SRRM1: variants seen among roughly 807,000 people sequenced by gnomAD.
SRRM1 encodes the protein serine/arginine repetitive matrix protein 1.
Under a neutral mutation model 110.2 loss-of-function variants are expected in SRRM1, and 19 were observed. The observed-to-expected ratio is 0.17, with a 90% CI of 0.12 to 0.25. SRRM1 has a LOEUF of 0.25. Among genes scored for constraint, SRRM1 ranks in the 10% least tolerant of loss-of-function variants. The pLI, the probability that SRRM1 is intolerant of heterozygous loss-of-function variation, is 1.00. For missense variants in SRRM1, 918 were observed against 1,145.8 expected (o/e 0.80, Z 2.87); for synonymous variants, 443 against 414.9 (o/e 1.07, Z -0.82).
intron 10 of SRRM1, 95 bp from the exon 11 acceptor site, chr1:24,661,215 C>T: frequency 1.3e-6 from 1 of 798,768 alleles, no homozygotes; most frequent in East Asian, 2.6e-5. Context: ...TTGATCCAAC[C>T]AAATGAAGGT....
At chr1:24,658,076 T>G (rs1366275413) in intron 9 of SRRM1, among the ~76,000 whole-genome samples, 1 of 152,142 alleles carries the variant, frequency 6.6e-6, no homozygotes, top group Non-Finnish European at 1.5e-5. Flanking sequence ...AACATTAACA[T>G]AAAGTAAATG....
rs755214007 is a variant in SRRM1 at position 24,666,881 on chromosome 1, T to G, written c.1695T>G (p.Pro565=). ...GGCGACGGTCTCCTTCTCCCGCCCC[T>G]CCTCCTCGACGGCGCAGGACTCCCA... ...TRRRRSPSPA[P]PPRRRRTPTP... is the part of the protein sequence containing the mutation. The change falls in exon 13 of 17, where the codon CCT becomes CCG. Residue 565 remains proline, a synonymous_variant. Transcript: ENST00000323848. 1.9e-6 allele frequency: 3 copies of G among 1,611,002 alleles called. No homozygotes were observed. The highest frequency in any genetic ancestry group is 8.5e-7 in the Non-Finnish European group (1 of 1,178,932).
chr1:24,657,278 G>A (rs543588766), intron 9 of SRRM1, among the ~76,000 whole-genome samples: 1 of 152,264 alleles, frequency 6.6e-6, no homozygotes, highest in South Asian at 2.1e-4. Flanking sequence ...GACCTTAACA[G>A]TTGTCATCAA....
At chr1:24,643,885 C>G (rs563139419) in intron 1 of SRRM1, among the ~76,000 whole-genome samples, 33 of 152,208 alleles carry the variant, frequency 2.2e-4, no homozygotes, top group African/African-American at 7.9e-4. Context: ...GGTCCTAAGC[C>G]TTCGTGGAGG....
At chr1:24,647,146 C>A in intron 3 of SRRM1, 1 of 167,594 alleles carries the variant, frequency 6.0e-6, no homozygotes, top group Non-Finnish European at 1.3e-5. Context: ...TAGGTCACAG[C>A]AGAGTGAGTG....
rs1671647194 is a variant in SRRM1, at chr1:24,669,440, C to T, written c.2057C>T (p.Pro686Leu). 1 of 1,614,062 alleles carries T rather than the reference C, an allele frequency of 6.2e-7. No homozygotes were observed. Among genetic ancestry groups the T allele is most frequent in the Non-Finnish European group, 8.5e-7 (1 of 1,180,038 alleles). Residue 686 changes from proline (P) to leucine (L), a missense_variant, in exon 14 of 17, where the codon CCA (proline) becomes CTA (leucine). Physicochemically the swap from Pro to Leu is moderately conservative, Grantham distance 98. This residue lies in a region of SRRM1 where 357 missense variants were observed against 402.9 expected (regional missense o/e 0.89). Coordinates refer to ENST00000323848, the MANE Select transcript of SRRM1 (RefSeq NM_005839.4). ...PQPNKRHSPS[P>L]RPRAPQTSSS... The stretch of plus-strand genomic sequence containing the variant: ...CCAAACAAACGGCATTCGCCCTCAC[C>T]ACGGCCTCGAGCTCCTCAGACCTCC...
At chr1:24,644,706 T>C (rs1283169885) in intron 1 of SRRM1, among the ~76,000 whole-genome samples, 5 of 152,250 alleles carry the variant, frequency 3.3e-5, no homozygotes, top group Non-Finnish European at 7.3e-5. Flanking sequence ...GCAAACTGCT[T>C]ATGAACTGTC....
At position 24,661,361 on chromosome 1, in the gene SRRM1, G is replaced by T; in HGVS notation, c.1448G>T (p.Arg483Leu). 1 of 1,613,432 alleles carries T rather than the reference G, an allele frequency of 6.2e-7. No individual in the cohort carries two copies. Among genetic ancestry groups the T allele is most frequent in the Non-Finnish European group, 8.5e-7 (1 of 1,179,598 alleles). The stretch of plus-strand genomic sequence containing the variant: ...GCAGCAGATTCTGTGCAGCAGAGAC[G>T]CCAATACAGACGACAAAACCAGCAG... ...MAAADSVQQR[R>L]QYRRQNQQSS... The change falls in exon 11 of 17, where the codon CGC (arginine) becomes CTC (leucine). Residue 483 changes from arginine (R) to leucine (L), a missense_variant. Transcript: ENST00000323848.
Position 24,666,830 on chromosome 1 carries a change from A to G in SRRM1, c.1644A>G (p.Arg548=). Residue 548 remains arginine, a synonymous_variant, in exon 13 of 17, where the codon AGA becomes AGG. Coordinates refer to ENST00000323848, the MANE Select transcript of SRRM1 (RefSeq NM_005839.4). ...KETSPRGRRR[R]SPSPPPTRRR... ...CTTGGTTTAGTGGTAGACGGAGGAG[A>G]AGTCCATCCCCACCACCCACCAGAA... 6.2e-7 allele frequency: 1 copy of G among 1,613,302 alleles called. No homozygotes were observed.
At chr1:24,652,735 T>TA in intron 7 of SRRM1, 107 bp downstream of exon 7, 1 of 1,322,136 alleles carries the variant, frequency 7.6e-7, no homozygotes, top group South Asian at 1.6e-5. Flanking sequence ...TTAGTACAAA[T>TA]ATTTTTTGAA....
At chr1:24,646,897 A>G (rs1303592246) in intron 3 of SRRM1, 108 bp downstream of exon 3, 3 of 894,698 alleles carry the variant, frequency 3.4e-6, no homozygotes, top group East Asian at 2.9e-5. Flanking sequence ...TTATTTTACA[A>G]TGTTTGTTGT....
intron 12 of SRRM1, chr1:24,663,270 T>G: frequency 7.0e-7 from 1 of 1,438,402 alleles, no homozygotes; most frequent in South Asian, 1.4e-5. Flanking sequence ...TGTCAAAAAT[T>G]GTAGTGACTT....
intron 12 of SRRM1, chr1:24,663,060 T>C (rs1254354978): frequency 1.2e-5 from 12 of 998,766 alleles, no homozygotes; most frequent in South Asian, 3.8e-5. Context: ...CAAACTATTA[T>C]AGCAGTAACT....
At chr1:24,663,612 AG>A (rs374456550) in intron 12 of SRRM1, among the ~76,000 whole-genome samples, 114 of 152,218 alleles carry the variant, frequency 7.5e-4, no homozygotes, top group African/African-American at 2.6e-3. Flanking sequence ...AGGGAGGGCA[AG>A]GAAAAACTAG....
At chr1:24,650,385 T>C (rs959379251) in intron 5 of SRRM1, among the ~76,000 whole-genome samples, 2 of 152,244 alleles carry the variant, frequency 1.3e-5, no homozygotes, top group Non-Finnish European at 2.9e-5. Flanking sequence ...ATTTGGGTTT[T>C]TAAAAATGTA....
intron 1 of SRRM1, among the ~76,000 whole-genome samples, chr1:24,645,783 A>G (rs573347683): frequency 1.3e-4 from 20 of 152,366 alleles, no homozygotes; most frequent in Admixed American, 2.6e-4. Context: ...TATGATGAAC[A>G]TATACTTGAT....
rs1668391215 is a variant in SRRM1 at position 24,663,702 on chromosome 1, C to T, written c.1628+898C>T. ...GACCATCCTGGCCAACATGGTGAAA[C>T]CCCATTTCTACTAAAAATACAAAAA... On this transcript the variant is annotated intron_variant, in intron 12 of 16. Coordinates refer to ENST00000323848, the MANE Select transcript of SRRM1 (RefSeq NM_005839.4). Among the ~76,000 whole-genome samples, 4 of 151,748 alleles carry T rather than the reference C, an allele frequency of 2.6e-5. No individual in the cohort carries two copies. The South Asian group carries it at 8.3e-4, about 32-fold the overall frequency.
intron 8 of SRRM1, among the ~76,000 whole-genome samples, chr1:24,653,364 G>C (rs1662149149): frequency 1.3e-5 from 2 of 152,106 alleles, no homozygotes; most frequent in South Asian, 4.1e-4. Flanking sequence ...AAAAGTAGCT[G>C]ATTATAGGGC....
chr1:24,671,937 A>G (rs965034742), intron 16 of SRRM1, among the ~76,000 whole-genome samples: 1 of 150,534 alleles, frequency 6.6e-6, no homozygotes, highest in Non-Finnish European at 1.5e-5. Flanking sequence ...TATTATTATT[A>G]TACTTTAAGT....
Sources: gnomAD v4.1 joint callset for allele counts (sites outside exome capture counted in the v4.1 genomes callset) on GRCh38, gnomAD v4.1.1 for gene constraint, gnomAD v4.1.1 regional missense constraint, MANE v1.5 for transcripts, NCBI Gene and HGNC (gene_info 2026-07-23, HGNC 2026-07-21) for gene names.